Variants in CHSY1 observed in about 807,000 individuals in gnomAD.
CHSY1 encodes chondroitin sulfate synthase 1.
A neutral mutation model predicts 59.8 loss-of-function variants in CHSY1; 13 were observed. That is an observed-to-expected ratio of 0.22 (90% CI 0.14 to 0.35). The LOEUF is 0.35. CHSY1 is among the 10% of genes least tolerant of loss of function. The pLI is 1.00. For missense variants in CHSY1, 947 were observed against 1,030.6 expected (o/e 0.92, Z 1.11); for synonymous variants, 459 against 401.2 (o/e 1.14, Z -1.72).
intron 2 of CHSY1, among the ~76,000 whole-genome samples, chr15:101,198,529 GTAACTTC>G (rs1245226599): frequency 1.3e-5 from 2 of 152,194 alleles, no homozygotes; most frequent in African/African-American, 4.8e-5. Context: ...AAACACATCA[GTAACTTC>G]TACTTTCCGA....
intron 1 of CHSY1, among the ~76,000 whole-genome samples, chr15:101,236,058 A>T (rs540123226): frequency 1.1e-4 from 16 of 152,340 alleles, no homozygotes; most frequent in Admixed American, 8.5e-4. Flanking sequence ...GGAGAGACAG[A>T]CACTTACCAG....
At position 101,217,654 on chromosome 15, in the gene CHSY1, T is replaced by C. The variant is rs114477080; in HGVS notation, c.816+17428A>G. 4.3e-3 allele frequency among the ~76,000 whole-genome samples: 653 copies of C among 152,166 alleles called. 4 individuals are homozygous for C. The highest frequency in any genetic ancestry group is 0.014 in the African/African-American group (585 of 41,488). ...ACCGAGCAACTGAAAGAGCACCCAG[T>C]GGACAAAGGTGGAACAAGTTTAGCA... On this transcript the variant is annotated intron_variant, in intron 2 of 2. Transcript: ENST00000254190.
intron 2 of CHSY1, among the ~76,000 whole-genome samples, chr15:101,225,234 A>ACT (rs1555435828): frequency 6.9e-6 from 1 of 144,782 alleles, no homozygotes; most frequent in African/African-American, 2.5e-5. Context: ...TACCCAGCTG[A>ACT]TTTTTTTTTT....
intron 2 of CHSY1, among the ~76,000 whole-genome samples, chr15:101,201,151 G>A (rs1398198481): frequency 2.0e-5 from 3 of 152,214 alleles, no homozygotes; most frequent in African/African-American, 7.2e-5. Flanking sequence ...GGGCAAGCCA[G>A]AGAGAGAATG....
intron 2 of CHSY1, among the ~76,000 whole-genome samples, chr15:101,198,921 T>G (rs2038538898): frequency 6.6e-6 from 1 of 152,218 alleles, no homozygotes; most frequent in Admixed American, 6.5e-5. Flanking sequence ...AAGAGTCTGC[T>G]GGCTGTGATC....
chr15:101,224,565 C>T (rs1027590744), intron 2 of CHSY1, among the ~76,000 whole-genome samples: 2 of 152,184 alleles, frequency 1.3e-5, no homozygotes, highest in South Asian at 4.1e-4. Context: ...CTGTCAACAG[C>T]GCAGATCACT....
At chr15:101,202,894 G>A (rs1178580465) in intron 2 of CHSY1, among the ~76,000 whole-genome samples, 1 of 152,194 alleles carries the variant, frequency 6.6e-6, no homozygotes, top group East Asian at 1.9e-4. Context: ...ATAATTTGGG[G>A]AGTATAACAT....
chr15:101,215,044 C>T (rs919096974), intron 2 of CHSY1, among the ~76,000 whole-genome samples: 4 of 152,328 alleles, frequency 2.6e-5, no homozygotes, highest in East Asian at 1.9e-4. Flanking sequence ...ATGTGAGACA[C>T]CTCGCCCCCA....
chr15:101,218,883 T>A (rs77080137), intron 2 of CHSY1, among the ~76,000 whole-genome samples: 3,648 of 152,312 alleles, frequency 0.024, 99 homozygotes, highest in African/African-American at 0.064. Context: ...TTGTCAAAAA[T>A]TCTCAACATT....
chr15:101,189,076 C>T (rs139408278), intron 2 of CHSY1, among the ~76,000 whole-genome samples: 3,131 of 152,346 alleles, frequency 0.021, 46 homozygotes, highest in East Asian at 0.1. Flanking sequence ...TGAAAGGCGC[C>T]GTACCAGGCA....
chr15:101,209,626 T>C (rs1216893488), intron 2 of CHSY1, among the ~76,000 whole-genome samples: 19 of 152,180 alleles, frequency 1.2e-4, no homozygotes, highest in Admixed American at 3.3e-4. Context: ...TCAGTTGCTA[T>C]GCAACAATAA....
At chr15:101,208,497 G>A (rs941593084) in intron 2 of CHSY1, among the ~76,000 whole-genome samples, 1 of 152,174 alleles carries the variant, frequency 6.6e-6, no homozygotes, top group African/African-American at 2.4e-5. Flanking sequence ...TGGATCATTT[G>A]AGGTCAGGAG....
intron 2 of CHSY1, among the ~76,000 whole-genome samples, chr15:101,199,417 C>T (rs569899000): frequency 7.2e-5 from 11 of 152,292 alleles, no homozygotes; most frequent in Admixed American, 4.6e-4. Flanking sequence ...GCAGGAGAAT[C>T]GCTTGAACCC....
chr15:101,198,342 A>G (rs2038531213), intron 2 of CHSY1, among the ~76,000 whole-genome samples: 1 of 152,174 alleles, frequency 6.6e-6, no homozygotes, highest in African/African-American at 2.4e-5. Flanking sequence ...GAAATCCTGG[A>G]AAAGCCATCC....
intron 1 of CHSY1, among the ~76,000 whole-genome samples, chr15:101,248,511 C>T (rs117136377): frequency 0.012 from 1,799 of 152,310 alleles, 22 homozygotes; most frequent in Admixed American, 0.022. Flanking sequence ...GTGACATTAG[C>T]TGGACACTAT....
chr15:101,177,424 T>A lies in CHSY1; in HGVS notation c.2373A>T (p.Lys791Asn). 6.2e-7 allele frequency: 1 copy of A among 1,613,590 alleles called. No homozygotes were observed. The highest frequency in any genetic ancestry group is 8.5e-7 in the Non-Finnish European group (1 of 1,179,830). Residue 791 changes from lysine (K) to asparagine (N), a missense_variant, in exon 3 of 3, where the codon AAA (lysine) becomes AAT (asparagine). By Grantham distance (94) the Lys-to-Asn change is moderately conservative. This residue lies in a region of CHSY1 where 602 missense variants were observed against 676.9 expected (regional missense o/e 0.89). Coordinates refer to ENST00000254190, the MANE Select transcript of CHSY1 (RefSeq NM_014918.5). ...WLEKNDPSYS[K>N]SSNNNGSVRT... ...TCACTGAGCCATTATTATTGCTGCT[T>A]TTACTGTAACTTGGATCATTTTTTT...
At chr15:101,234,445 T>C (rs931078207) in intron 2 of CHSY1, among the ~76,000 whole-genome samples, 1 of 152,206 alleles carries the variant, frequency 6.6e-6, no homozygotes, top group African/African-American at 2.4e-5. Flanking sequence ...CAATTACATC[T>C]GTGGAATCAG....
chr15:101,235,187 C>T lies in CHSY1; in HGVS notation c.711G>A (p.Pro237=), dbSNP rs1199279865. Residue 237 remains proline, a synonymous_variant, in exon 2 of 3, where the codon CCG becomes CCA. Coordinates refer to ENST00000254190, the MANE Select transcript of CHSY1 (RefSeq NM_014918.5). ...TCTCCCGGAGACACTTGCCAATGTG[C>T]GGCACCATTCTCCGAAGCACCTCCC... The part of the protein sequence containing the change: ...MSREVLRRMV[P]HIGKCLREMY... The T allele has an allele frequency of 1.6e-5, 26 of 1,613,852 alleles. No individual in the cohort carries two copies. The highest frequency in any genetic ancestry group is 6.7e-5 in the African/African-American group (5 of 74,880).
chr15:101,218,765 C>A (rs778821106), intron 2 of CHSY1, among the ~76,000 whole-genome samples: 129 of 152,156 alleles, frequency 8.5e-4, no homozygotes, highest in Non-Finnish European at 8.1e-4. Context: ...AAAAACAAAC[C>A]CCTCTATGAG....
Sources: gnomAD v4.1 joint callset for allele counts (sites outside exome capture counted in the v4.1 genomes callset) on GRCh38, gnomAD v4.1.1 for gene constraint, gnomAD v4.1.1 regional missense constraint, MANE v1.5 for transcripts, NCBI Gene and HGNC (gene_info 2026-07-23, HGNC 2026-07-21) for gene names.